The following ADAMTS2 variants were observed in gnomAD, a reference collection of about 807,000 sequenced individuals.
The protein encoded by ADAMTS2 is A disintegrin and metalloproteinase with thrombospondin motifs 2.
Under a neutral mutation model 123.0 loss-of-function variants are expected in ADAMTS2, and 50 were observed. That is an observed-to-expected ratio of 0.41 (90% CI 0.32 to 0.51). ADAMTS2 has a LOEUF of 0.51. Among genes scored for constraint, ADAMTS2 ranks in the 20% least tolerant of loss-of-function variants. The pLI, the probability that ADAMTS2 is intolerant of heterozygous loss-of-function variation, is 0.35. For synonymous variants in ADAMTS2, 678 were observed against 695.4 expected, an observed-to-expected ratio of 0.98 and a Z score of 0.39; for missense variants, 1,494 against 1,705.2, an observed-to-expected ratio of 0.88 and a Z score of 2.18.
Position 179,158,269 on chromosome 5 carries a change from GTC to G in ADAMTS2, c.1132+452_1132+453del, listed in dbSNP as rs1763522966. Among the ~76,000 whole-genome samples, 1 of 152,126 alleles carries G rather than the reference GTC, an allele frequency of 6.6e-6. No individual in the cohort carries two copies. The highest frequency in any genetic ancestry group is 2.4e-5 in the African/African-American group (1 of 41,428). On this transcript the variant is annotated intron_variant, in intron 6 of 21. Transcript: ENST00000251582. This position sits in a 1 kb window ranked among gnomAD's most constrained non-coding sequence, Gnocchi z 5.0. ...TGTGAACCACCGCGCCCGGCCTTTT[GTC>G]TCTTTTTAAAGAAAACATCTCTTAC...
chr5:179,152,143 TTGCCAGG>T lies in ADAMTS2; in HGVS notation c.1621_1627del (p.Pro541SerfsTer11). On this transcript the variant is annotated frameshift_variant and splice_region_variant, in exon 10 of 22. Coordinates refer to ENST00000251582, the MANE Select transcript of ADAMTS2 (RefSeq NM_014244.5). LOFTEE classifies it high-confidence loss of function. ...CAAGAGCCCTTGATGCTGCCTCACC[TTGCCAGG>T]TGCACACATAGTCCCGTCCAAGGGG... 1 of 1,613,350 alleles carries T rather than the reference TTGCCAGG, an allele frequency of 6.2e-7. No homozygotes were observed. The highest frequency in any genetic ancestry group is 8.5e-7 in the Non-Finnish European group (1 of 1,179,392).
chr5:179,315,400 G>A (rs531875938), intron 2 of ADAMTS2, among the ~76,000 whole-genome samples: 6 of 152,270 alleles, frequency 3.9e-5, no homozygotes, highest in African/African-American at 1.4e-4. Flanking sequence ...CCCCAAAGGG[G>A]GTTTGTTTCC....
At chr5:179,203,579 C>G (rs1029747409) in intron 4 of ADAMTS2, among the ~76,000 whole-genome samples, 1 of 152,228 alleles carries the variant, frequency 6.6e-6, no homozygotes, top group Non-Finnish European at 1.5e-5. Flanking sequence ...GTAGGCAGAT[C>G]CTCTGTGCAC....
rs886208555 is a variant in ADAMTS2, at chr5:179,332,759, G to A, written c.534+11008C>T. Among the ~76,000 whole-genome samples, 1 of 151,992 alleles carries A rather than the reference G, an allele frequency of 6.6e-6. No individual in the cohort carries two copies. The highest frequency in any genetic ancestry group is 6.5e-5 in the Admixed American group (1 of 15,278). On this transcript the variant is annotated intron_variant, in intron 2 of 21. Transcript: ENST00000251582. The surrounding 1 kb of genome is among the most constrained non-coding windows in gnomAD (Gnocchi z 4.2). ...AGGGAGGAGTGCAGAGAGGAAGGGA[G>A]GGGAAGGAAGGGAAGGAGAGGAGAC... is the stretch of plus-strand genomic sequence containing the variant.
intron 10 of ADAMTS2, among the ~76,000 whole-genome samples, chr5:179,141,617 T>C (rs1390903631): frequency 6.6e-6 from 1 of 152,136 alleles, no homozygotes; most frequent in Non-Finnish European, 1.5e-5. Context: ...CAAAAGTCTA[T>C]GGCATTGGAG....
rs147765529 is a variant in ADAMTS2, at chr5:179,118,193, T to C, written c.3178+3468A>G. ...TTGAAATAAAATCCTGGCCAAGAGA[T>C]TGACTATGCAAATAGCCTAGGAAAA... On this transcript the variant is annotated intron_variant, in intron 21 of 21. Transcript: ENST00000251582. This position sits in a 1 kb window ranked among gnomAD's most constrained non-coding sequence, Gnocchi z 4.5. Among the ~76,000 whole-genome samples the C allele has an allele frequency of 0.042, 6,416 of 152,262 alleles. 209 individuals are homozygous for C. Among genetic ancestry groups the C allele is most frequent in the South Asian group, 0.11 (519 of 4,812 alleles).
Position 179,202,506 on chromosome 5 carries a change from C to T in ADAMTS2, c.891+5007G>A, listed in dbSNP as rs1764591583. ...TTGAAATGATCCTGTTTGTTTTTCA[C>T]TTCAGTATCGTCTGTGCCTCCCTTC... On this transcript the variant is annotated intron_variant, in intron 4 of 21. Coordinates refer to ENST00000251582, the MANE Select transcript of ADAMTS2 (RefSeq NM_014244.5). This position sits in a 1 kb window ranked among gnomAD's most constrained non-coding sequence, Gnocchi z 4.0. Among the ~76,000 whole-genome samples the T allele has an allele frequency of 6.6e-6, 1 of 152,152 alleles. No individual in the cohort carries two copies.
intron 2 of ADAMTS2, among the ~76,000 whole-genome samples, chr5:179,277,370 C>T (rs1201459677): frequency 5.3e-5 from 1 of 18,784 alleles, no homozygotes; most frequent in Admixed American, 4.4e-4. Context: ...TGACACCCCC[C>T]GAGACCAAAG....
intron 2 of ADAMTS2, among the ~76,000 whole-genome samples, chr5:179,324,652 A>G (rs1343825022): frequency 6.6e-6 from 1 of 152,156 alleles, no homozygotes; most frequent in East Asian, 1.9e-4. Context: ...TGGCCTCCCA[A>G]AGTGCTGGGA....
rs777136128 is a variant in ADAMTS2, at chr5:179,278,803, C to T, written c.535-5739G>A. Among the ~76,000 whole-genome samples the T allele has an allele frequency of 5.3e-5, 8 of 151,946 alleles. No homozygotes were observed. In the East Asian group the frequency reaches 5.8e-4, roughly 11 times the overall value. The stretch of plus-strand genomic sequence containing the variant: ...TACCCGGGTCATCAAGTCAAGTTGC[C>T]GGCATTCAGATCCTGGTGAGTTACA... On this transcript the variant is annotated intron_variant, in intron 2 of 21. Coordinates refer to ENST00000251582, the MANE Select transcript of ADAMTS2 (RefSeq NM_014244.5).
intron 5 of ADAMTS2, among the ~76,000 whole-genome samples, chr5:179,160,051 T>C (rs1763565155): frequency 6.6e-6 from 1 of 152,238 alleles, no homozygotes; most frequent in Non-Finnish European, 1.5e-5. Context: ...TAAGGATTTA[T>C]CTGGCCATAA....
rs138209369 is a variant in ADAMTS2 at position 179,254,446 on chromosome 5, G to A, written c.688+18465C>T. Reference sequence around the variant, plus strand: ...CCCACTGGGGTGATGAAAACATTTTGGAACTAGATGGTGATGATGGCTGCA... The same window carrying A: ...CCCACTGGGGTGATGAAAACATTTTAGAACTAGATGGTGATGATGGCTGCA... On this transcript the variant is annotated intron_variant, in intron 3 of 21. Transcript: ENST00000251582. 5.6e-3 allele frequency among the ~76,000 whole-genome samples: 858 copies of A among 152,250 alleles called. 11 individuals are homozygous for A. Among genetic ancestry groups the A allele is most frequent in the African/African-American group, 0.02 (821 of 41,542 alleles).
At chr5:179,205,372 T>C (rs1764656017) in intron 4 of ADAMTS2, among the ~76,000 whole-genome samples, 1 of 152,240 alleles carries the variant, frequency 6.6e-6, no homozygotes, top group Non-Finnish European at 1.5e-5. Context: ...TTCACCCTAC[T>C]GAGAGACTGA....
chr5:179,282,283 T>A (rs2113530380), intron 2 of ADAMTS2, among the ~76,000 whole-genome samples: 1 of 152,384 alleles, frequency 6.6e-6, no homozygotes, highest in South Asian at 2.1e-4. Context: ...TACATGTAGA[T>A]CTATGATCCA....
chr5:179,299,705 C>G lies in ADAMTS2; in HGVS notation c.535-26641G>C, dbSNP rs1428859885. Reference sequence around the variant, plus strand: ...TTTTCCAGCTTTTAGAGGCTACCCACATTCCTTGGCTTGTGGCCCCCTCCT... The same window carrying G: ...TTTTCCAGCTTTTAGAGGCTACCCAGATTCCTTGGCTTGTGGCCCCCTCCT... On this transcript the variant is annotated intron_variant, in intron 2 of 21. Coordinates refer to ENST00000251582, the MANE Select transcript of ADAMTS2 (RefSeq NM_014244.5). Among the ~76,000 whole-genome samples, 3 of 152,078 alleles carry G rather than the reference C, an allele frequency of 2.0e-5. No individual in the cohort carries two copies. The East Asian group carries it at 5.8e-4, about 30-fold the overall frequency.
At chr5:179,176,174 G>A (rs547255112) in intron 5 of ADAMTS2, among the ~76,000 whole-genome samples, 1 of 152,112 alleles carries the variant, frequency 6.6e-6, no homozygotes, top group Non-Finnish European at 1.5e-5. Context: ...TACAATCTTG[G>A]TTGTCCTGTT....
intron 21 of ADAMTS2, chr5:179,121,338 C>A (rs7735735): frequency 0.014 from 2,746 of 194,826 alleles, 82 homozygotes; most frequent in African/African-American, 0.06. Context: ...GACCGCGAAC[C>A]CCCCCGGGCC....
Position 179,139,926 on chromosome 5 carries a change from C to A in ADAMTS2, c.1739G>T (p.Gly580Val). ...FGSCSRTCGT[G>V]VKFRTRQCDN... Reference sequence around the variant, plus strand: ...ACACTGGCGGGTCCTGAACTTCACGCCCGTGCCACAGGTACGTGAGCAGGA... The same window carrying A: ...ACACTGGCGGGTCCTGAACTTCACGACCGTGCCACAGGTACGTGAGCAGGA... The change falls in exon 11 of 22, where the codon GGC becomes GTC. Residue 580 changes from glycine (G) to valine (V), a missense_variant. By Grantham distance (109) the Gly-to-Val change is moderately radical. Around this residue, in one of 6 missense-constraint regions of ADAMTS2, gnomAD observed 953 missense variants for 1,124.7 expected, o/e 0.85. Transcript: ENST00000251582. 1.2e-6 allele frequency: 2 copies of A among 1,612,558 alleles called. No homozygotes were observed. The highest frequency in any genetic ancestry group is 1.7e-6 in the Non-Finnish European group (2 of 1,179,994).
intron 3 of ADAMTS2, among the ~76,000 whole-genome samples, chr5:179,246,609 AG>A (rs1249768840): frequency 6.6e-6 from 1 of 152,214 alleles, no homozygotes; most frequent in African/African-American, 2.4e-5. Context: ...AAGACTCAAA[AG>A]TTTTCACCTC....
Sources: allele counts gnomAD v4.1 joint callset (sites outside exome capture counted in the v4.1 genomes callset), GRCh38; gene constraint gnomAD v4.1.1; regional missense constraint gnomAD v4.1.1; non-coding constraint Gnocchi (gnomAD v3.1); transcripts MANE v1.5; gene names NCBI Gene and HGNC (gene_info 2026-07-23, HGNC 2026-07-21).